AFAP1L2: variants seen among roughly 807,000 people sequenced by gnomAD.
The protein encoded by AFAP1L2 is actin filament associated protein 1 like 2.
In AFAP1L2, 46 loss-of-function variants were observed where a neutral mutation model predicts 99.3. That is an observed-to-expected ratio of 0.46 (90% CI 0.37 to 0.59). The LOEUF (loss-of-function observed/expected upper bound fraction) is 0.59. AFAP1L2 is among the 20% of genes least tolerant of loss of function. AFAP1L2 has a pLI of 0.00. For synonymous variants in AFAP1L2, 397 were observed against 419.1 expected (o/e 0.95, Z 0.64); for missense variants, 959 against 1,034.9 (o/e 0.93, Z 1.01).
downstream of AFAP1L2, chr10:114,291,140 AG>A (rs1310096124): frequency 8.6e-6 from 13 of 1,505,090 alleles, no homozygotes; most frequent in Non-Finnish European, 1.2e-5. Context: ...CAGGACCTGA[AG>A]GGGTCCTCAG....
At chr10:114,304,013 T>C (rs2041688583) in intron 11 of AFAP1L2, among the ~76,000 whole-genome samples, 1 of 152,228 alleles carries the variant, frequency 6.6e-6, no homozygotes, top group African/African-American at 2.4e-5. Flanking sequence ...GTCCACCATA[T>C]TCCTGTGCTG....
chr10:114,342,575 G>C (rs780922854), intron 1 of AFAP1L2, among the ~76,000 whole-genome samples: 1 of 152,130 alleles, frequency 6.6e-6, no homozygotes, highest in Non-Finnish European at 1.5e-5. Context: ...TCTTATAAGC[G>C]GGGAGGTAGG....
intron 1 of AFAP1L2, among the ~76,000 whole-genome samples, chr10:114,389,066 C>A (rs1326686037): frequency 6.6e-6 from 1 of 152,190 alleles, no homozygotes; most frequent in Non-Finnish European, 1.5e-5. Context: ...TAGTTACTGA[C>A]TTTAAATGCA....
At chr10:114,291,257 G>A, downstream of AFAP1L2, 1 of 1,549,618 alleles carries the variant, frequency 6.5e-7, no homozygotes, top group Middle Eastern at 1.7e-4. Flanking sequence ...CTCCCGTGCA[G>A]GAGGGCAGCA....
intron 1 of AFAP1L2, among the ~76,000 whole-genome samples, chr10:114,391,151 G>C (rs745438843): frequency 6.6e-6 from 1 of 152,052 alleles, no homozygotes; most frequent in Non-Finnish European, 1.5e-5. Flanking sequence ...CCTTAACTTT[G>C]ATGTAATCCA....
chr10:114,328,531 C>T (rs1288938162), intron 4 of AFAP1L2, among the ~76,000 whole-genome samples: 1 of 152,162 alleles, frequency 6.6e-6, no homozygotes, highest in Non-Finnish European at 1.5e-5. Flanking sequence ...CTGAGCTGGA[C>T]AGTGACTCAG....
rs574463737 is a variant in AFAP1L2 at position 114,294,961 on chromosome 10, A to G, written c.*1081T>C. 1.0e-6 allele frequency: 1 copy of G among 985,058 alleles called. No homozygotes were observed. The highest frequency in any genetic ancestry group is 4.7e-5 in the South Asian group (1 of 21,268). The allele number at this position is 985,058 out of a possible 1,614,324, so 61.0% of individuals were successfully genotyped here. Reference sequence around the variant, plus strand: ...CAGGAACAAGTGTTAGAGAACTGATACACAACCCTCCAGAAATGAGGCAGA... The same window carrying G: ...CAGGAACAAGTGTTAGAGAACTGATGCACAACCCTCCAGAAATGAGGCAGA... On this transcript the variant is annotated 3_prime_UTR_variant, in exon 19 of 19. Transcript: ENST00000304129.
At chr10:114,394,494 G>A (rs1046748212) in intron 1 of AFAP1L2, among the ~76,000 whole-genome samples, 1 of 152,196 alleles carries the variant, frequency 6.6e-6, no homozygotes, top group Non-Finnish European at 1.5e-5. Flanking sequence ...CTGGCCTCAG[G>A]TTCTCAGTGG....
chr10:114,344,907 G>A (rs144987586), intron 1 of AFAP1L2, among the ~76,000 whole-genome samples: 12,840 of 152,030 alleles, frequency 0.084, 729 homozygotes, highest in East Asian at 0.26. Context: ...GACCAGCCTG[G>A]CCAACCTGGC....
chr10:114,403,808 G>A (rs1245422585), intron 1 of AFAP1L2, among the ~76,000 whole-genome samples: 1 of 152,184 alleles, frequency 6.6e-6, no homozygotes, highest in African/African-American at 2.4e-5. Context: ...ACGCCTCCAG[G>A]AGCTCCACCT....
chr10:114,360,822 T>C (rs1463150678), intron 1 of AFAP1L2, among the ~76,000 whole-genome samples: 2 of 152,160 alleles, frequency 1.3e-5, no homozygotes, highest in Non-Finnish European at 2.9e-5. Context: ...CAGGACAATA[T>C]CTTGGGGTTG....
intron 1 of AFAP1L2, among the ~76,000 whole-genome samples, chr10:114,391,348 T>A (rs541974224): frequency 1.3e-3 from 202 of 152,282 alleles, no homozygotes; most frequent in Non-Finnish European, 2.4e-3. Context: ...GCCTCCCAAG[T>A]AGCTGGGATT....
the AFAP1L2 span, among the ~76,000 whole-genome samples, chr10:114,288,488 G>T: frequency 6.6e-6 from 1 of 152,252 alleles, no homozygotes; most frequent in African/African-American, 2.4e-5. Context: ...AACCCCATGG[G>T]TTACATAAGA....
rs760546158 is a variant in AFAP1L2 at position 114,297,336 on chromosome 10, C to T, written c.2191G>A (p.Val731Met). 8.1e-6 allele frequency: 13 copies of T among 1,613,750 alleles called. No homozygotes were observed. Among genetic ancestry groups the T allele is most frequent in the African/African-American group, 4.0e-5 (3 of 74,950 alleles). The change falls in exon 17 of 19, where the codon GTG becomes ATG. Residue 731 changes from valine (V) to methionine (M), a missense_variant. By Grantham distance (21) the Val-to-Met change is conservative. Around this residue, in one of 2 missense-constraint regions of AFAP1L2, gnomAD observed 576 missense variants for 562.1 expected, o/e 1.02. Transcript: ENST00000304129. ...TCCATGATGCTGAGCTCCAGGTCCA[C>T]GCGCCTGCTCTCCTCGCCCCGGCAC... ...EECRGEESRR[V>M]DLELSIMEVK...
chr10:114,323,405 A>C, intron 4 of AFAP1L2, 144 bp from the exon 5 acceptor site: 1 of 671,918 alleles, frequency 1.5e-6, no homozygotes, highest in African/African-American at 1.8e-5. Flanking sequence ...GAGAACATGC[A>C]GTATCATGAA....
chr10:114,311,790 T>C (rs1564829708), intron 7 of AFAP1L2, among the ~76,000 whole-genome samples: 1 of 152,170 alleles, frequency 6.6e-6, no homozygotes, highest in African/African-American at 2.4e-5. Context: ...CGTCGTCCCA[T>C]AGTCAGCATC....
intron 1 of AFAP1L2, among the ~76,000 whole-genome samples, chr10:114,344,771 G>A (rs2136025457): frequency 6.6e-6 from 1 of 152,318 alleles, no homozygotes; most frequent in South Asian, 2.1e-4. Flanking sequence ...GGAATGCATA[G>A]GAGCTCACTG....
At chr10:114,317,702 T>C (rs1002169250) in intron 5 of AFAP1L2, among the ~76,000 whole-genome samples, 13 of 151,986 alleles carry the variant, frequency 8.6e-5, no homozygotes, top group African/African-American at 3.1e-4. Flanking sequence ...CTAAAAAAAA[T>C]ACAAAAATTA....
chr10:114,313,202 G>C (rs1028300128), intron 7 of AFAP1L2, among the ~76,000 whole-genome samples: 1 of 152,076 alleles, frequency 6.6e-6, no homozygotes, highest in Non-Finnish European at 1.5e-5. Context: ...GTCCCTGCTG[G>C]GTTTGGAGGT....
Sources: allele counts gnomAD v4.1 joint callset (sites outside exome capture counted in the v4.1 genomes callset), GRCh38; gene constraint gnomAD v4.1.1; regional missense constraint gnomAD v4.1.1; transcripts MANE v1.5; gene names NCBI Gene and HGNC (gene_info 2026-07-23, HGNC 2026-07-21).